The following PPP1R16B variants were observed in gnomAD, a reference collection of about 807,000 sequenced individuals.
The protein encoded by PPP1R16B is protein phosphatase 1 regulatory inhibitor subunit 16B.
A neutral mutation model predicts 61.7 loss-of-function variants in PPP1R16B; 14 were observed. The observed-to-expected ratio is 0.23, with a 90% CI of 0.15 to 0.35. The LOEUF is 0.35. Among genes scored for constraint, PPP1R16B ranks in the 10% least tolerant of loss-of-function variants. PPP1R16B has a pLI of 1.00. For missense variants in PPP1R16B, 547 were observed against 752.5 expected (o/e 0.73, Z 3.19); for synonymous variants, 266 against 305.3 (o/e 0.87, Z 1.34).
intron 6 of PPP1R16B, among the ~76,000 whole-genome samples, chr20:38,905,634 G>T (rs2085433813): frequency 6.6e-6 from 1 of 152,144 alleles, no homozygotes; most frequent in African/African-American, 2.4e-5. Context: ...ATGTGTCAAA[G>T]AATTTGTAGA....
At chr20:38,816,637 T>A (rs2145705952) in intron 1 of PPP1R16B, among the ~76,000 whole-genome samples, 2 of 152,332 alleles carry the variant, frequency 1.3e-5, no homozygotes, top group South Asian at 4.1e-4. Context: ...TAGCTCTTCA[T>A]TCACTTGAGA....
At position 38,907,749 on chromosome 20, in the gene PPP1R16B, C is replaced by G; in HGVS notation, c.899-57C>G. Reference sequence around the variant, plus strand: ...GGCAGCTCCTCTGGTCTGGAGCACCCTCTTGCGCCACAGGTCCTGGCCCCG... The same window carrying G: ...GGCAGCTCCTCTGGTCTGGAGCACCGTCTTGCGCCACAGGTCCTGGCCCCG... On this transcript the variant is annotated intron_variant, in intron 8 of 10. Coordinates refer to ENST00000299824, the MANE Select transcript of PPP1R16B (RefSeq NM_015568.4). This position sits in a 1 kb window ranked among gnomAD's most constrained non-coding sequence, Gnocchi z 4.5. 6.3e-7 allele frequency: 1 copy of G among 1,597,636 alleles called. No individual in the cohort carries two copies. The highest frequency in any genetic ancestry group is 8.6e-7 in the Non-Finnish European group (1 of 1,167,912).
intron 1 of PPP1R16B, among the ~76,000 whole-genome samples, chr20:38,821,040 CAA>C (rs11483114): frequency 4.9e-5 from 6 of 121,580 alleles, no homozygotes; most frequent in Non-Finnish European, 6.8e-5. Flanking sequence ...GACTCCGTCT[CAA>C]AAAAAAAAAA....
At chr20:38,830,068 G>A (rs1413914620) in intron 1 of PPP1R16B, among the ~76,000 whole-genome samples, 1 of 152,238 alleles carries the variant, frequency 6.6e-6, no homozygotes, top group Non-Finnish European at 1.5e-5. Context: ...CACTGCAGTG[G>A]TGCCTTCTGT....
chr20:38,816,971 A>G (rs1364876622), intron 1 of PPP1R16B, among the ~76,000 whole-genome samples: 3 of 152,120 alleles, frequency 2.0e-5, no homozygotes, highest in Non-Finnish European at 2.9e-5. Flanking sequence ...CCACTCTCTC[A>G]TGGCAGAACA....
chr20:38,855,189 A>G (rs1279227886), intron 2 of PPP1R16B, among the ~76,000 whole-genome samples: 2 of 152,238 alleles, frequency 1.3e-5, no homozygotes, highest in African/African-American at 2.4e-5. Context: ...CCTGGTTGCC[A>G]TGTGTCATCT....
At chr20:38,864,221 A>G (rs2085075322) in intron 2 of PPP1R16B, among the ~76,000 whole-genome samples, 1 of 152,152 alleles carries the variant, frequency 6.6e-6, no homozygotes, top group African/African-American at 2.4e-5. Flanking sequence ...GCTAATGGGT[A>G]TGGGGTTTCT....
rs1173572237 is a variant in PPP1R16B, at chr20:38,907,080, G to A, written c.898+26G>A. The A allele has an allele frequency of 6.4e-7, 1 of 1,551,790 alleles. No homozygotes were observed. The highest frequency in any genetic ancestry group is 1.1e-5 in the South Asian group (1 of 89,788). The stretch of plus-strand genomic sequence containing the variant: ...GTAAGTCCAGCACAATAGCTGGTGT[G>A]CACAAATAGGCAGTTATCAATGTTT... On this transcript the variant is annotated intron_variant, in intron 8 of 10. Coordinates refer to ENST00000299824, the MANE Select transcript of PPP1R16B (RefSeq NM_015568.4). The surrounding 1 kb of genome is among the most constrained non-coding windows in gnomAD (Gnocchi z 4.5).
intron 6 of PPP1R16B, among the ~76,000 whole-genome samples, chr20:38,904,123 G>A (rs1336243618): frequency 6.6e-6 from 1 of 152,200 alleles, no homozygotes; most frequent in African/African-American, 2.4e-5. Context: ...TATTACTTGG[G>A]TGCCTGCTTG....
intron 2 of PPP1R16B, among the ~76,000 whole-genome samples, chr20:38,888,263 G>A (rs1171171627): frequency 6.6e-6 from 1 of 152,214 alleles, no homozygotes; most frequent in Non-Finnish European, 1.5e-5. Context: ...CTCAGGGCCA[G>A]CCTATGTATC....
intron 2 of PPP1R16B, among the ~76,000 whole-genome samples, chr20:38,866,211 T>A (rs1485446905): frequency 6.6e-6 from 1 of 152,046 alleles, no homozygotes; most frequent in African/African-American, 2.4e-5. Context: ...GGAAGGAAAA[T>A]CACTTAGGCA....
chr20:38,862,581 G>C (rs1005537139), intron 2 of PPP1R16B, among the ~76,000 whole-genome samples: 4 of 152,208 alleles, frequency 2.6e-5, no homozygotes, highest in African/African-American at 9.7e-5. Context: ...TAAAATCACT[G>C]TCTGACCCTT....
chr20:38,816,750 C>T (rs762431298), intron 1 of PPP1R16B, among the ~76,000 whole-genome samples: 16 of 152,126 alleles, frequency 1.1e-4, no homozygotes, highest in Non-Finnish European at 1.8e-4. Context: ...CCCTCAGCAG[C>T]GATATATAGA....
At chr20:38,818,870 C>T (rs1265908204) in intron 1 of PPP1R16B, among the ~76,000 whole-genome samples, 1 of 151,814 alleles carries the variant, frequency 6.6e-6, no homozygotes, top group East Asian at 1.9e-4. Context: ...CCTCAACCTC[C>T]TGGGCTTAGG....
rs191752455 is a variant in PPP1R16B, at chr20:38,866,169, C to T, written c.251-23426C>T. 6.0e-4 allele frequency among the ~76,000 whole-genome samples: 91 copies of T among 152,014 alleles called. 1 individual carries two copies. The highest frequency in any genetic ancestry group is 1.9e-3 in the African/African-American group (80 of 41,468). On this transcript the variant is annotated intron_variant, in intron 2 of 10. Transcript: ENST00000299824. ...AATAAATAAATAAATAATAAAAATTCGAGAGGTTTGATTTCTGCTTCTGGT... is the reference window on the plus strand; with the variant it reads ...AATAAATAAATAAATAATAAAAATTTGAGAGGTTTGATTTCTGCTTCTGGT...
At chr20:38,910,702 TA>T (rs1043181661) in intron 10 of PPP1R16B, among the ~76,000 whole-genome samples, 9 of 151,916 alleles carry the variant, frequency 5.9e-5, no homozygotes, top group African/African-American at 1.9e-4. Flanking sequence ...CCTGGCTAAT[TA>T]AAAAAAATTT....
rs201684271 is a variant in PPP1R16B at position 38,902,594 on chromosome 20, C to G, written c.572-74C>G. On this transcript the variant is annotated intron_variant, in intron 5 of 10. Transcript: ENST00000299824. ...CCTAGGGAACAAGAGCCATGCCTCC[C>G]TCATCTGCCTTCCCCTGCCCTCTGG... is the stretch of plus-strand genomic sequence containing the variant. The G allele has an allele frequency of 9.5e-5, 152 of 1,592,672 alleles. 1 individual carries two copies. In the Middle Eastern group the frequency reaches 1.0e-3, roughly 11 times the overall value.
At chr20:38,904,590 A>G (rs2085424317) in intron 6 of PPP1R16B, among the ~76,000 whole-genome samples, 1 of 152,184 alleles carries the variant, frequency 6.6e-6, no homozygotes. Flanking sequence ...ACAACTGACA[A>G]GCATCAGACA....
chr20:38,903,265 T>A (rs907434393), intron 6 of PPP1R16B, among the ~76,000 whole-genome samples: 1 of 152,158 alleles, frequency 6.6e-6, no homozygotes, highest in African/African-American at 2.4e-5. Flanking sequence ...ACCCCAGGCT[T>A]CATGTGTCCA....
Sources: allele counts gnomAD v4.1 joint callset (sites outside exome capture counted in the v4.1 genomes callset), GRCh38; gene constraint gnomAD v4.1.1; non-coding constraint Gnocchi (gnomAD v3.1); transcripts MANE v1.5; gene names NCBI Gene and HGNC (gene_info 2026-07-23, HGNC 2026-07-21).